KCNB2: variants seen among roughly 807,000 people sequenced by gnomAD.
KCNB2 encodes delayed rectifier potassium channel protein.
Under a neutral mutation model 61.5 loss-of-function variants are expected in KCNB2, and 15 were observed. That is an observed-to-expected ratio of 0.24 (90% confidence interval 0.16 to 0.38). The LOEUF (loss-of-function observed/expected upper bound fraction) is 0.38, where lower values mean the gene tolerates loss of function less well. KCNB2 is among the 10% of genes least tolerant of loss of function. The pLI is 1.00. For synonymous variants in KCNB2, 457 were observed against 446.0 expected (o/e 1.02, Z -0.31); for missense variants, 828 against 1,125.2 (o/e 0.74, Z 3.78).
At chr8:72,766,436 C>T (rs1165154644) in intron 2 of KCNB2, among the ~76,000 whole-genome samples, 1 of 152,156 alleles carries the variant, frequency 6.6e-6, no homozygotes, top group Non-Finnish European at 1.5e-5. Flanking sequence ...TCTAACACAG[C>T]CAAGAAATAC....
At chr8:72,934,670 A>G (rs892232131) in intron 2 of KCNB2, among the ~76,000 whole-genome samples, 2 of 152,172 alleles carry the variant, frequency 1.3e-5, no homozygotes, top group African/African-American at 4.8e-5. Flanking sequence ...TCAGTGCTAC[A>G]TATGATAACT....
chr8:72,644,118 A>G (rs1172826072), intron 2 of KCNB2, among the ~76,000 whole-genome samples: 1 of 152,146 alleles, frequency 6.6e-6, no homozygotes, highest in Non-Finnish European at 1.5e-5. Flanking sequence ...GTTCTTTGAA[A>G]GAGAGTTTTG....
At chr8:72,673,469 CT>C (rs1806599743) in intron 2 of KCNB2, among the ~76,000 whole-genome samples, 1 of 152,162 alleles carries the variant, frequency 6.6e-6, no homozygotes, top group South Asian at 2.1e-4. Context: ...TGTAAGTTTC[CT>C]GAGGCCTCCC....
chr8:72,683,035 G>T (rs756274898), intron 2 of KCNB2, among the ~76,000 whole-genome samples: 1 of 152,244 alleles, frequency 6.6e-6, no homozygotes, highest in Non-Finnish European at 1.5e-5. Context: ...AATATGTTAA[G>T]TGGAGAGAGA....
At chr8:72,647,069 C>T (rs1309745194) in intron 2 of KCNB2, among the ~76,000 whole-genome samples, 1 of 152,208 alleles carries the variant, frequency 6.6e-6, no homozygotes, top group East Asian at 1.9e-4. Flanking sequence ...TTGATGAACA[C>T]GTGAGCATCC....
intron 2 of KCNB2, among the ~76,000 whole-genome samples, chr8:72,847,825 AT>A (rs1457693360): frequency 1.3e-5 from 2 of 152,214 alleles, no homozygotes; most frequent in African/African-American, 4.8e-5. Context: ...GACTCACTAG[AT>A]GAATGTTTTC....
intron 2 of KCNB2, among the ~76,000 whole-genome samples, chr8:72,572,512 C>T (rs1038685508): frequency 4.5e-4 from 69 of 152,072 alleles, no homozygotes; most frequent in Admixed American, 3.3e-3. Flanking sequence ...CCACCACTTC[C>T]TCCCTCCCTT....
chr8:72,542,976 A>G (rs954648982), intron 1 of KCNB2, among the ~76,000 whole-genome samples: 2 of 152,230 alleles, frequency 1.3e-5, no homozygotes, highest in African/African-American at 4.8e-5. Context: ...TGCTATTGAT[A>G]GAGTGGGATG....
At chr8:72,683,474 A>G (rs1002264447) in intron 2 of KCNB2, among the ~76,000 whole-genome samples, 1 of 152,206 alleles carries the variant, frequency 6.6e-6, no homozygotes, top group Non-Finnish European at 1.5e-5. Flanking sequence ...AAGTTTTAGG[A>G]ATGCCACGAA....
chr8:72,798,066 A>T (rs1044693442), intron 2 of KCNB2, among the ~76,000 whole-genome samples: 5 of 152,054 alleles, frequency 3.3e-5, no homozygotes, highest in East Asian at 1.9e-4. Context: ...TTTCATCAGG[A>T]TGGTTTATGA....
intron 2 of KCNB2, among the ~76,000 whole-genome samples, chr8:72,912,930 A>C (rs1806326432): frequency 6.6e-6 from 1 of 152,278 alleles, no homozygotes; most frequent in East Asian, 1.9e-4. Flanking sequence ...TCACATACCT[A>C]GAAGCTTAGT....
At chr8:72,903,458 G>A (rs1806121226) in intron 2 of KCNB2, among the ~76,000 whole-genome samples, 1 of 152,212 alleles carries the variant, frequency 6.6e-6, no homozygotes, top group Admixed American at 6.5e-5. Flanking sequence ...GTGCATGCCT[G>A]TAGTTCTAGC....
intron 2 of KCNB2, among the ~76,000 whole-genome samples, chr8:72,572,573 T>G (rs1806727573): frequency 1.8e-5 from 2 of 113,932 alleles, no homozygotes; most frequent in African/African-American, 3.7e-5. Flanking sequence ...TCTCTCTGCG[T>G]CTCTCTCTCT....
chr8:72,612,718 T>C (rs907085233), intron 2 of KCNB2, among the ~76,000 whole-genome samples: 1 of 152,124 alleles, frequency 6.6e-6, no homozygotes, highest in Non-Finnish European at 1.5e-5. Context: ...AAAATGGACA[T>C]CTGAATGCTA....
At chr8:72,923,429 A>T (rs1047824876) in intron 2 of KCNB2, among the ~76,000 whole-genome samples, 2 of 152,182 alleles carry the variant, frequency 1.3e-5, no homozygotes, top group Admixed American at 1.3e-4. Context: ...GCTATCTGTC[A>T]TGTTGGTATC....
rs114622664 is a variant in KCNB2, at chr8:72,921,455, G to C, written c.580-14480G>C. Among the ~76,000 whole-genome samples the C allele has an allele frequency of 6.6e-3, 1,000 of 152,240 alleles. 12 individuals are homozygous for C. The highest frequency in any genetic ancestry group is 0.023 in the African/African-American group (955 of 41,538). On this transcript the variant is annotated intron_variant, in intron 2 of 2. Transcript: ENST00000523207. ...AGGAGCTGAATAGCAGAGAGATGAG[G>C]TATGGTACATAGTTAAACTTACTGG...
chr8:72,814,771 A>T (rs1250990230), intron 2 of KCNB2, among the ~76,000 whole-genome samples: 1 of 152,178 alleles, frequency 6.6e-6, no homozygotes, highest in African/African-American at 2.4e-5. Flanking sequence ...TTGCTACTTT[A>T]TTCTGCACAC....
At chr8:72,727,574 C>A (rs1449687271) in intron 2 of KCNB2, among the ~76,000 whole-genome samples, 3 of 152,170 alleles carry the variant, frequency 2.0e-5, no homozygotes, top group Non-Finnish European at 4.4e-5. Context: ...AGTCTTTATA[C>A]CTTGGCATCT....
Position 72,686,768 on chromosome 8 carries a change from T to C in KCNB2, c.579+118455T>C, listed in dbSNP as rs572497081. Among the ~76,000 whole-genome samples the C allele has an allele frequency of 3.9e-5, 6 of 152,324 alleles. No individual in the cohort carries two copies. The South Asian group carries it at 1.2e-3, about 32-fold the overall frequency. On this transcript the variant is annotated intron_variant, in intron 2 of 2. Transcript: ENST00000523207. ...CTATGGTAGAATTACATATCCTTGGTGATTTGGGTTAGAAACAGAGTCCTG... is the reference window on the plus strand; with the variant it reads ...CTATGGTAGAATTACATATCCTTGGCGATTTGGGTTAGAAACAGAGTCCTG...
Sources: allele counts gnomAD v4.1 joint callset (sites outside exome capture counted in the v4.1 genomes callset), GRCh38; gene constraint gnomAD v4.1.1; transcripts MANE v1.5; gene names NCBI Gene and HGNC (gene_info 2026-07-23, HGNC 2026-07-21).